NBEA: variants seen among roughly 807,000 people sequenced by gnomAD.
NBEA encodes the protein neurobeachin.
NBEA carries 44 observed loss-of-function variants against 343.4 expected under a neutral mutation model. The observed-to-expected ratio is 0.13, with a 90% CI of 0.10 to 0.16. The LOEUF is 0.16. Ranked by LOEUF, NBEA falls within the 10% of genes least tolerant of loss-of-function variation. NBEA has a pLI of 1.00. For synonymous variants in NBEA, 1,175 were observed against 1,238.7 expected, an observed-to-expected ratio of 0.95 and a Z score of 1.08; for missense variants, 2,555 against 3,631.3, an observed-to-expected ratio of 0.70 and a Z score of 7.62.
intron 41 of NBEA, among the ~76,000 whole-genome samples, chr13:35,521,804 C>G (rs867347901): frequency 2.0e-5 from 3 of 152,162 alleles, no homozygotes; most frequent in Non-Finnish European, 4.4e-5. Flanking sequence ...AGGGACACAC[C>G]TCTGAGAGTA....
At chr13:35,385,943 T>C (rs117461402) in intron 38 of NBEA, among the ~76,000 whole-genome samples, 5,325 of 152,230 alleles carry the variant, frequency 0.035, 139 homozygotes, top group Non-Finnish European at 0.054. Flanking sequence ...TCTTGTAATG[T>C]TTTATATAAT....
At chr13:35,065,851 C>A (rs2063631568) in intron 8 of NBEA, among the ~76,000 whole-genome samples, 1 of 152,072 alleles carries the variant, frequency 6.6e-6, no homozygotes, top group African/African-American at 2.4e-5. Context: ...TTATTGATTT[C>A]TAACATCCCA....
At chr13:35,415,908 A>G (rs1288739934) in intron 38 of NBEA, among the ~76,000 whole-genome samples, 1 of 151,946 alleles carries the variant, frequency 6.6e-6, no homozygotes, top group Non-Finnish European at 1.5e-5. Flanking sequence ...CTTTTATTTC[A>G]TTGAGCAGTG....
chr13:35,235,061 ATC>A (rs2075159914), intron 34 of NBEA, among the ~76,000 whole-genome samples: 1 of 152,200 alleles, frequency 6.6e-6, no homozygotes, highest in Admixed American at 6.5e-5. Flanking sequence ...CAAATATTAT[ATC>A]AAGCCATGTA....
At chr13:35,333,266 T>C (rs923113277) in intron 36 of NBEA, among the ~76,000 whole-genome samples, 3 of 151,922 alleles carry the variant, frequency 2.0e-5, no homozygotes, top group Non-Finnish European at 4.4e-5. Flanking sequence ...AAAGAGACCA[T>C]TAAAAATGAA....
At position 35,433,700 on chromosome 13, in the gene NBEA, G is replaced by GA. The variant is rs1183877517; in HGVS notation, c.6304+1314dup. Among the ~76,000 whole-genome samples, 13 of 151,898 alleles carry GA rather than the reference G, an allele frequency of 8.6e-5. No individual in the cohort carries two copies. The East Asian group carries it at 2.1e-3, about 25-fold the overall frequency. ...AAGTAACTATGGAAAAAATATGCTG[G>GA]AAAAAAATTATAGTTTGTCTTCTTT... On this transcript the variant is annotated intron_variant, in intron 39 of 58. Transcript: ENST00000379939.
intron 45 of NBEA, among the ~76,000 whole-genome samples, chr13:35,577,184 C>T (rs1028550433): frequency 8.5e-5 from 13 of 152,238 alleles, no homozygotes; most frequent in African/African-American, 2.9e-4. Context: ...AAGTTTCATC[C>T]GATCAAGTTG....
rs181056369 is a variant in NBEA, at chr13:34,955,404, A to G, written c.294+12290A>G. Among the ~76,000 whole-genome samples, 42 of 152,280 alleles carry G rather than the reference A, an allele frequency of 2.8e-4. No homozygotes were observed. The East Asian group carries it at 8.1e-3, about 29-fold the overall frequency. ...TGGAAGAATAAACAGATAAATTATA[A>G]TGGATGAAAGTGATATTGTAGAGAT... On this transcript the variant is annotated intron_variant, in intron 1 of 58. Transcript: ENST00000379939.
chr13:35,651,752 C>A, intron 52 of NBEA, 53 bp from the exon 53 acceptor site: 1 of 1,070,696 alleles, frequency 9.3e-7, no homozygotes, highest in Non-Finnish European at 1.4e-6. Flanking sequence ...ATTAGGAAAT[C>A]CCTTCTTTCT....
intron 48 of NBEA, 48 bp downstream of exon 48, chr13:35,606,626 T>C (rs755660535): frequency 6.7e-6 from 10 of 1,485,260 alleles, no homozygotes; most frequent in East Asian, 2.4e-5. Flanking sequence ...GGAGTTAACA[T>C]ATTCTGTAGT....
At chr13:35,154,681 A>C (rs2152706953) in intron 18 of NBEA, among the ~76,000 whole-genome samples, 1 of 152,324 alleles carries the variant, frequency 6.6e-6, no homozygotes, top group East Asian at 1.9e-4. Flanking sequence ...CTGCTCCCAC[A>C]TTTTAGTGGG....
intron 38 of NBEA, among the ~76,000 whole-genome samples, chr13:35,418,020 T>C (rs1481947690): frequency 1.3e-5 from 2 of 152,182 alleles, no homozygotes; most frequent in African/African-American, 2.4e-5. Flanking sequence ...CTTTTGATCT[T>C]TGTTGGTTTA....
intron 36 of NBEA, among the ~76,000 whole-genome samples, chr13:35,312,811 C>T (rs1341120772): frequency 1.3e-5 from 2 of 152,126 alleles, no homozygotes; most frequent in Non-Finnish European, 2.9e-5. Flanking sequence ...TAATAGTTTA[C>T]AGTATAAGTA....
intron 39 of NBEA, 71 bp downstream of exon 39, chr13:35,432,464 T>TC: frequency 7.3e-7 from 1 of 1,367,526 alleles, no homozygotes; most frequent in Non-Finnish European, 9.7e-7. Flanking sequence ...GAGAATTCCT[T>TC]CTTTTTTTTT....
At chr13:35,347,353 G>A (rs1414498463) in intron 36 of NBEA, among the ~76,000 whole-genome samples, 1 of 151,952 alleles carries the variant, frequency 6.6e-6, no homozygotes, top group South Asian at 2.1e-4. Flanking sequence ...GTGAAAAAAA[G>A]TAATGCTGTT....
intron 36 of NBEA, among the ~76,000 whole-genome samples, chr13:35,322,678 A>G (rs895062780): frequency 6.6e-5 from 10 of 152,166 alleles, no homozygotes; most frequent in African/African-American, 2.4e-4. Flanking sequence ...CATGACTTTT[A>G]CAAAATTACC....
intron 2 of NBEA, among the ~76,000 whole-genome samples, chr13:35,043,985 T>C (rs1175021566): frequency 6.6e-6 from 1 of 152,106 alleles, no homozygotes; most frequent in Non-Finnish European, 1.5e-5. Flanking sequence ...GAAAACGAAG[T>C]ATAAATGTTT....
At chr13:35,445,782 T>TTATATATATATATATATATATATATATA (rs71081255) in intron 39 of NBEA, among the ~76,000 whole-genome samples, 2 of 113,268 alleles carry the variant, frequency 1.8e-5, no homozygotes, top group Non-Finnish European at 3.5e-5. Context: ...ATATAAATGT[T>TTATATATATATATATATATATATATATA]TATATATATA....
chr13:35,585,540 G>C (rs1593294099), intron 46 of NBEA, among the ~76,000 whole-genome samples: 1 of 151,882 alleles, frequency 6.6e-6, no homozygotes, highest in Non-Finnish European at 1.5e-5. Flanking sequence ...CTCTTCTACA[G>C]GATTTTTCTT....
Sources: gnomAD v4.1 joint callset for allele counts (sites outside exome capture counted in the v4.1 genomes callset) on GRCh38, gnomAD v4.1.1 for gene constraint, MANE v1.5 for transcripts, NCBI Gene and HGNC (gene_info 2026-07-23, HGNC 2026-07-21) for gene names.